LRFN5: variants seen among roughly 807,000 people sequenced by gnomAD.
LRFN5 encodes the protein leucine rich repeat and fibronectin type III domain containing 5, also known as leucine-rich repeat and fibronectin type-III domain-containing protein 5.
LRFN5 carries 24 observed loss-of-function variants against 45.6 expected under a neutral mutation model. The ratio of observed to expected loss-of-function variants is 0.53; its 90% CI spans 0.38 to 0.74. The LOEUF is 0.74. LRFN5 is among the 30% of genes least tolerant of loss of function. LRFN5 has a pLI of 0.00. For missense variants in LRFN5, 776 were observed against 861.5 expected, an observed-to-expected ratio of 0.90 and a Z score of 1.24; for synonymous variants, 340 against 313.8, an observed-to-expected ratio of 1.08 and a Z score of -0.88.
chr14:41,837,500 A>G (rs1258145036), intron 2 of LRFN5, among the ~76,000 whole-genome samples: 1 of 152,218 alleles, frequency 6.6e-6, no homozygotes, highest in Non-Finnish European at 1.5e-5. Context: ...AAGTGTAAGA[A>G]CTAAATTTTA....
chr14:41,762,987 G>A (rs1025696407), intron 1 of LRFN5, among the ~76,000 whole-genome samples: 3 of 152,034 alleles, frequency 2.0e-5, no homozygotes, highest in Non-Finnish European at 4.4e-5. Flanking sequence ...ACCATTTGAT[G>A]GATTCATAAT....
chr14:41,626,193 G>A lies in LRFN5; in HGVS notation c.-197+17631G>A, dbSNP rs149923443. ...ATAAAAAACAAATACATGTTTTAAC[G>A]GATTATTATTATAGGTCAAATAAAG... is the stretch of plus-strand genomic sequence containing the variant. On this transcript the variant is annotated intron_variant, in intron 1 of 5. Transcript: ENST00000298119. Among the ~76,000 whole-genome samples, 88 of 151,790 alleles carry A rather than the reference G, an allele frequency of 5.8e-4. 2 individuals carry two copies. In the South Asian group the frequency reaches 0.016, roughly 27 times the overall value.
intron 5 of LRFN5, among the ~76,000 whole-genome samples, chr14:41,901,241 CACTT>C (rs1891092030): frequency 6.6e-6 from 1 of 151,988 alleles, no homozygotes; most frequent in African/African-American, 2.4e-5. Flanking sequence ...TGGAAATTGA[CACTT>C]ACCTATAAAT....
intron 2 of LRFN5, among the ~76,000 whole-genome samples, chr14:41,770,007 C>G (rs1886022870): frequency 6.6e-6 from 1 of 152,146 alleles, no homozygotes; most frequent in East Asian, 1.9e-4. Context: ...GGTGGTGAGC[C>G]CCTCAGGAAG....
intron 1 of LRFN5, among the ~76,000 whole-genome samples, chr14:41,649,817 A>G (rs1338723198): frequency 2.0e-5 from 3 of 151,940 alleles, no homozygotes; most frequent in African/African-American, 2.4e-5. Context: ...ATAAATTCCT[A>G]CTTGACCCTG....
intron 2 of LRFN5, among the ~76,000 whole-genome samples, chr14:41,790,247 T>G (rs1886871258): frequency 6.6e-6 from 1 of 151,926 alleles, no homozygotes; most frequent in Non-Finnish European, 1.5e-5. Context: ...AACAACTTTA[T>G]TATTATTTTA....
intron 1 of LRFN5, among the ~76,000 whole-genome samples, chr14:41,676,561 G>A (rs1186927022): frequency 2.6e-5 from 4 of 152,142 alleles, no homozygotes; most frequent in Non-Finnish European, 4.4e-5. Flanking sequence ...CAGGGAAACA[G>A]ACAACTAAGA....
chr14:41,710,862 A>C (rs927085873), intron 1 of LRFN5, among the ~76,000 whole-genome samples: 1 of 150,424 alleles, frequency 6.6e-6, no homozygotes, highest in African/African-American at 2.4e-5. Flanking sequence ...GAGTGAGAAC[A>C]TGTGGTGTTT....
At chr14:41,771,025 C>T (rs1050772606) in intron 2 of LRFN5, among the ~76,000 whole-genome samples, 6 of 151,978 alleles carry the variant, frequency 3.9e-5, no homozygotes, top group African/African-American at 7.2e-5. Context: ...GTGGAAACCA[C>T]CAAGGCTTAA....
At chr14:41,750,149 C>T (rs1287641954) in intron 1 of LRFN5, among the ~76,000 whole-genome samples, 1 of 151,268 alleles carries the variant, frequency 6.6e-6, no homozygotes, top group Non-Finnish European at 1.5e-5. Context: ...CAATTTGGTC[C>T]CTATAAATTA....
intron 1 of LRFN5, among the ~76,000 whole-genome samples, chr14:41,693,788 A>G (rs1882481626): frequency 6.6e-6 from 1 of 151,910 alleles, no homozygotes; most frequent in Non-Finnish European, 1.5e-5. Context: ...ATTCTTGCTT[A>G]GACTCCATAT....
intron 1 of LRFN5, among the ~76,000 whole-genome samples, chr14:41,747,843 G>T (rs555949333): frequency 6.6e-6 from 1 of 151,882 alleles, no homozygotes; most frequent in Non-Finnish European, 1.5e-5. Context: ...AAAAATAGAT[G>T]AAGGCCTTCA....
intron 2 of LRFN5, among the ~76,000 whole-genome samples, chr14:41,770,189 C>T (rs1198406051): frequency 6.6e-6 from 1 of 152,160 alleles, no homozygotes; most frequent in Non-Finnish European, 1.5e-5. Context: ...TATCTATCCC[C>T]ATGATCTAAT....
rs187429763 is a variant in LRFN5 at position 41,823,771 on chromosome 14, C to G, written c.-21+56742C>G. Reference sequence around the variant, plus strand: ...GAAAATCTCAAATAGGTTTTCCAGACATTTTACTTTTTCTTCTTCTCTCTC... The same window carrying G: ...GAAAATCTCAAATAGGTTTTCCAGAGATTTTACTTTTTCTTCTTCTCTCTC... On this transcript the variant is annotated intron_variant, in intron 2 of 5. Coordinates refer to ENST00000298119, the MANE Select transcript of LRFN5 (RefSeq NM_152447.5). Among the ~76,000 whole-genome samples the G allele has an allele frequency of 7.1e-3, 1,075 of 152,216 alleles. 12 individuals carry two copies. Among genetic ancestry groups the G allele is most frequent in the African/African-American group, 0.025 (1,027 of 41,558 alleles).
At chr14:41,789,747 AT>A (rs773723794) in intron 2 of LRFN5, among the ~76,000 whole-genome samples, 11 of 151,494 alleles carry the variant, frequency 7.3e-5, no homozygotes, top group Non-Finnish European at 1.5e-4. Flanking sequence ...TTTTCCCATC[AT>A]TTTTTCTGTA....
intron 2 of LRFN5, among the ~76,000 whole-genome samples, chr14:41,826,858 T>TTATTTTGATTCACAAAATAAG (rs1888313509): frequency 6.6e-6 from 1 of 151,554 alleles, no homozygotes; most frequent in Admixed American, 6.6e-5. Flanking sequence ...TAATAAGTAA[T>TTATTTTGATTCACAAAATAAG]TATTTTGATT....
At chr14:41,629,345 G>C (rs1208679980) in intron 1 of LRFN5, among the ~76,000 whole-genome samples, 2 of 152,128 alleles carry the variant, frequency 1.3e-5, no homozygotes, top group African/African-American at 4.8e-5. Flanking sequence ...TTACTTATTT[G>C]TGGGTTACAT....
rs1879646450 is a variant in LRFN5 at position 41,642,924 on chromosome 14, GTTATAC to G, written c.-197+34365_-197+34370del. Reference sequence around the variant, plus strand: ...TTAGCTGGTTAAATCCAAATAATTTGTTATACTTGTACACTGTTACTTCATACTTCA... The same window carrying G: ...TTAGCTGGTTAAATCCAAATAATTTGTTGTACACTGTTACTTCATACTTCA... On this transcript the variant is annotated intron_variant, in intron 1 of 5. Coordinates refer to ENST00000298119, the MANE Select transcript of LRFN5 (RefSeq NM_152447.5). Among the ~76,000 whole-genome samples, 4 of 152,190 alleles carry G rather than the reference GTTATAC, an allele frequency of 2.6e-5. No homozygotes were observed. In the South Asian group the frequency reaches 8.3e-4, roughly 32 times the overall value.
At chr14:41,830,110 CT>C (rs1888430445) in intron 2 of LRFN5, among the ~76,000 whole-genome samples, 1 of 151,202 alleles carries the variant, frequency 6.6e-6, no homozygotes, top group African/African-American at 2.4e-5. Context: ...ATTATTTTAA[CT>C]TGTATTATAA....
Sources: gnomAD v4.1 joint callset for allele counts (sites outside exome capture counted in the v4.1 genomes callset) on GRCh38, gnomAD v4.1.1 for gene constraint, MANE v1.5 for transcripts, NCBI Gene and HGNC (gene_info 2026-07-23, HGNC 2026-07-21) for gene names.